The following NFIA variants were observed in gnomAD, a reference collection of about 807,000 sequenced individuals.
NFIA encodes the protein nuclear factor I A.
In NFIA, 8 loss-of-function variants were observed where a neutral mutation model predicts 62.8. That is an observed-to-expected ratio of 0.13 (90% CI 0.07 to 0.23). The LOEUF (loss-of-function observed/expected upper bound fraction) is 0.23, where lower values mean the gene tolerates loss of function less well. NFIA is among the 10% of genes least tolerant of loss of function. NFIA has a pLI of 1.00. For missense variants in NFIA, 410 were observed against 642.1 expected (o/e 0.64, Z 3.91); for synonymous variants, 235 against 238.1 (o/e 0.99, Z 0.12).
chr1:61,193,573 G>A (rs561578366), intron 2 of NFIA, among the ~76,000 whole-genome samples: 77 of 152,306 alleles, frequency 5.1e-4, no homozygotes, highest in African/African-American at 1.7e-3. Context: ...TTCATTGTAG[G>A]TGCCTTTCAG....
chr1:61,329,615 T>G (rs1194285166), intron 3 of NFIA, among the ~76,000 whole-genome samples: 2 of 151,692 alleles, frequency 1.3e-5, no homozygotes, highest in Non-Finnish European at 2.9e-5. Context: ...CTCCTGACCT[T>G]GTGATCTACC....
At chr1:61,258,886 C>A (rs1000947440) in intron 2 of NFIA, among the ~76,000 whole-genome samples, 1 of 152,048 alleles carries the variant, frequency 6.6e-6, no homozygotes, top group African/African-American at 2.4e-5. Context: ...CATCACCACA[C>A]CCAGCTAATT....
At chr1:61,082,053 C>T (rs1488761664), upstream of NFIA, 1 of 1,537,588 alleles carries the variant, frequency 6.5e-7, no homozygotes. Flanking sequence ...CCGAGGTCCG[C>T]GGAGGTCTGC....
chr1:61,407,855 C>T (rs1003875891), intron 9 of NFIA, among the ~76,000 whole-genome samples: 8 of 152,124 alleles, frequency 5.3e-5, no homozygotes, highest in Non-Finnish European at 1.0e-4. Flanking sequence ...ACATAAGCAT[C>T]GGGATTGGAC....
intron 6 of NFIA, among the ~76,000 whole-genome samples, chr1:61,359,805 G>T (rs1225066832): frequency 6.6e-6 from 1 of 151,960 alleles, no homozygotes; most frequent in Non-Finnish European, 1.5e-5. Flanking sequence ...GTCAATTTTT[G>T]TATTTTTAAA....
chr1:61,158,421 C>G (rs1648958549), intron 2 of NFIA, among the ~76,000 whole-genome samples: 1 of 152,074 alleles, frequency 6.6e-6, no homozygotes, highest in Non-Finnish European at 1.5e-5. Flanking sequence ...TTGTACAAAG[C>G]AACTCTGAAA....
intron 2 of NFIA, among the ~76,000 whole-genome samples, chr1:61,139,906 G>C (rs945242119): frequency 6.8e-6 from 1 of 146,610 alleles, no homozygotes; most frequent in Non-Finnish European, 1.5e-5. Context: ...AAAAAAAGTT[G>C]GTATCTGCTA....
chr1:61,461,965 T>G lies in NFIA; in HGVS notation c.*6645T>G, dbSNP rs536284652. 5 of 151,992 alleles carry G rather than the reference T, an allele frequency of 3.3e-5. No homozygotes were observed. Among genetic ancestry groups the G allele is most frequent in the Admixed American group, 1.3e-4 (2 of 15,284 alleles). 9.4% of individuals were successfully genotyped at this position (151,992 alleles called of 1,614,324 possible). A position where few individuals can be genotyped will look rare whatever the true frequency, so the allele number is the denominator to read the frequency against. Reference sequence around the variant, plus strand: ...TTATTTTTCCTTTGACTTATTTGTGTTGTTCTTATTTTTTAAATTTTTATT... The same window carrying G: ...TTATTTTTCCTTTGACTTATTTGTGGTGTTCTTATTTTTTAAATTTTTATT... On this transcript the variant is annotated 3_prime_UTR_variant, in exon 11 of 11. Transcript: ENST00000403491.
intron 2 of NFIA, among the ~76,000 whole-genome samples, chr1:61,181,570 CTT>C (rs1388833776): frequency 6.6e-6 from 1 of 152,144 alleles, no homozygotes; most frequent in East Asian, 1.9e-4. Flanking sequence ...ATGCAACAGA[CTT>C]TATTAAACAT....
intron 3 of NFIA, among the ~76,000 whole-genome samples, chr1:61,308,047 T>C (rs770117939): frequency 6.6e-6 from 1 of 152,234 alleles, no homozygotes; most frequent in Non-Finnish European, 1.5e-5. Context: ...TGAATTTACC[T>C]TTATGACAGA....
intron 2 of NFIA, among the ~76,000 whole-genome samples, chr1:61,260,101 G>A (rs1486849173): frequency 1.3e-5 from 2 of 152,210 alleles, no homozygotes; most frequent in Non-Finnish European, 2.9e-5. Context: ...GTTCACTCAA[G>A]GCACAGGGCC....
chr1:61,440,000 G>A (rs970251564), intron 10 of NFIA, among the ~76,000 whole-genome samples: 1 of 152,158 alleles, frequency 6.6e-6, no homozygotes, highest in Admixed American at 6.5e-5. Context: ...AACTGAGTGG[G>A]TGTCATTTGT....
At chr1:61,116,732 C>A (rs188510637) in intron 2 of NFIA, among the ~76,000 whole-genome samples, 1 of 152,278 alleles carries the variant, frequency 6.6e-6, no homozygotes, top group African/African-American at 2.4e-5. Flanking sequence ...AAGTGAGTTT[C>A]ATATTTTCCT....
intron 6 of NFIA, among the ~76,000 whole-genome samples, chr1:61,381,066 A>AGGATAC (rs1161702189): frequency 1.3e-5 from 2 of 151,862 alleles, no homozygotes; most frequent in Non-Finnish European, 2.9e-5. Context: ...AAGATTAGTT[A>AGGATAC]GGATACTGGA....
Position 61,406,542 on chromosome 1 carries a change from T to TTGGGGCGGC in NFIA, c.1255-20_1255-19insTGGGGCGGC. Reference sequence around the variant, plus strand: ...TTCTTTTTCTTGTACGTGTGTTTTCTGCCCCCCCCCCCCCCACAGCCCAAT... The same window carrying TTGGGGCGGC: ...TTCTTTTTCTTGTACGTGTGTTTTCTTGGGGCGGCGCCCCCCCCCCCCCCACAGCCCAAT... On this transcript the variant is annotated intron_variant, in intron 8 of 10. Transcript: ENST00000403491. 8.0e-7 allele frequency: 1 copy of TTGGGGCGGC among 1,253,830 alleles called. No homozygotes were observed. Among genetic ancestry groups the TTGGGGCGGC allele is most frequent in the Non-Finnish European group, 1.1e-6 (1 of 931,744 alleles). 77.7% of individuals were successfully genotyped at this position (1,253,830 alleles called of 1,614,324 possible).
chr1:61,418,409 A>G (rs990039882), intron 9 of NFIA, among the ~76,000 whole-genome samples: 3 of 152,092 alleles, frequency 2.0e-5, no homozygotes, highest in Non-Finnish European at 4.4e-5. Flanking sequence ...GCAGTGAGCC[A>G]TGTTAAAGCC....
intron 2 of NFIA, among the ~76,000 whole-genome samples, chr1:61,213,826 AC>A (rs2100606962): frequency 6.6e-6 from 1 of 152,256 alleles, no homozygotes; most frequent in East Asian, 1.9e-4. Context: ...CACACTGCAC[AC>A]AGATCATGCC....
chr1:61,157,301 G>A (rs1269037064), intron 2 of NFIA, among the ~76,000 whole-genome samples: 13 of 152,080 alleles, frequency 8.5e-5, no homozygotes, highest in Admixed American at 8.5e-4. Context: ...TCACTTTGTA[G>A]CTCCCTCTTT....
At chr1:61,430,170 ACAGT>A in intron 10 of NFIA, among the ~76,000 whole-genome samples, 1 of 152,296 alleles carries the variant, frequency 6.6e-6, no homozygotes, top group East Asian at 1.9e-4. Context: ...ATTCTGTAAA[ACAGT>A]CAGAGCAAGT....
Sources: allele counts gnomAD v4.1 joint callset (sites outside exome capture counted in the v4.1 genomes callset), GRCh38; gene constraint gnomAD v4.1.1; transcripts MANE v1.5; gene names NCBI Gene and HGNC (gene_info 2026-07-23, HGNC 2026-07-21).